UGT1A8: variants seen among roughly 807,000 people sequenced by gnomAD.
UGT1A8 encodes UDP glucuronosyltransferase family 1 member A8.
A neutral mutation model predicts 45.3 loss-of-function variants in UGT1A8; 39 were observed. The ratio of observed to expected loss-of-function variants is 0.86; its 90% CI spans 0.67 to 1.12. The LOEUF (loss-of-function observed/expected upper bound fraction) is 1.12, where lower values mean the gene tolerates loss of function less well. Among genes scored for constraint, UGT1A8 ranks in the 50% most tolerant of loss-of-function variants. The pLI, the probability that UGT1A8 is intolerant of heterozygous loss-of-function variation, is 0.00. For missense variants in UGT1A8, 719 were observed against 664.9 expected (o/e 1.08, Z -0.90); for synonymous variants, 275 against 249.2 (o/e 1.10, Z -0.97).
chr2:233,645,888 G>A (rs2073588610), intron 1 of UGT1A8, among the ~76,000 whole-genome samples: 1 of 152,184 alleles, frequency 6.6e-6, no homozygotes, highest in South Asian at 2.1e-4. Context: ...CCACTAGGCA[G>A]TCCCCCAGTT....
intron 1 of UGT1A8, among the ~76,000 whole-genome samples, chr2:233,683,427 G>A (rs1397894608): frequency 6.6e-6 from 1 of 151,982 alleles, no homozygotes; most frequent in African/African-American, 2.4e-5. Flanking sequence ...GGGTTTATGA[G>A]CAATAATAAG....
In UGT1A8 at chr2:233,643,131, C is replaced by T. The variant is rs28969983; in HGVS notation, c.855+24569C>T. Among the ~76,000 whole-genome samples, 83 of 152,346 alleles carry T rather than the reference C, an allele frequency of 5.4e-4. No individual in the cohort carries two copies. In the East Asian group the frequency reaches 0.011, roughly 21 times the overall value. ...CAGCCAGCCAGACCTGCATCCCTCC[C>T]TTCAGAATGGCAAGGTCCCCCAGGC... On this transcript the variant is annotated intron_variant, in intron 1 of 4. Coordinates refer to ENST00000373450, the MANE Select transcript of UGT1A8 (RefSeq NM_019076.5).
chr2:233,679,033 T>C (rs1223695285), intron 1 of UGT1A8, among the ~76,000 whole-genome samples: 1 of 152,234 alleles, frequency 6.6e-6, no homozygotes, highest in Admixed American at 6.5e-5. Flanking sequence ...TTCTGGACTT[T>C]CATGACATTC....
chr2:233,724,108 C>T (rs1455095780), intron 1 of UGT1A8, among the ~76,000 whole-genome samples: 64 of 55,750 alleles, frequency 1.1e-3, no homozygotes, highest in South Asian at 2.6e-3. Context: ...TAGGGGCGGC[C>T]GGGCAGAGGC....
chr2:233,719,252 T>G (rs2076741853), intron 1 of UGT1A8: 2 of 1,614,040 alleles, frequency 1.2e-6, no homozygotes, highest in Non-Finnish European at 1.7e-6. Flanking sequence ...TGAATGCTAC[T>G]TCCTTTGATG....
intron 1 of UGT1A8, among the ~76,000 whole-genome samples, chr2:233,629,387 T>C (rs1055756640): frequency 4.6e-5 from 7 of 152,168 alleles, no homozygotes; most frequent in Non-Finnish European, 7.4e-5. Flanking sequence ...TTGTGAGTTA[T>C]GCTGCTATGA....
At chr2:233,736,043 T>C (rs984870391) in intron 1 of UGT1A8, among the ~76,000 whole-genome samples, 7 of 152,202 alleles carry the variant, frequency 4.6e-5, no homozygotes, top group South Asian at 2.1e-4. Context: ...TTTCCTGAAT[T>C]TGAATGTTGG....
At chr2:233,743,042 G>A (rs554129345) in intron 1 of UGT1A8, 2 of 311,812 alleles carry the variant, frequency 6.4e-6, no homozygotes, top group East Asian at 8.2e-5. Flanking sequence ...GGTCCTATCC[G>A]TGTAGTCCCA....
At chr2:233,768,098 G>A in intron 3 of UGT1A8, 122 bp from the exon 4 acceptor site, 1 of 1,590,736 alleles carries the variant, frequency 6.3e-7, no homozygotes, top group Non-Finnish European at 8.6e-7. Context: ...ATTTTCTTCT[G>A]CAAATTTCTG....
intron 1 of UGT1A8, among the ~76,000 whole-genome samples, chr2:233,757,948 G>A (rs1469946422): frequency 6.6e-6 from 1 of 152,076 alleles, no homozygotes; most frequent in Non-Finnish European, 1.5e-5. Flanking sequence ...TCATATTGCT[G>A]CCCTGCTGTG....
chr2:233,719,979 C>T (rs2076818736), intron 1 of UGT1A8, among the ~76,000 whole-genome samples: 1 of 152,162 alleles, frequency 6.6e-6, no homozygotes, highest in Non-Finnish European at 1.5e-5. Flanking sequence ...TTCAGCTCGG[C>T]AGGATCAGGG....
chr2:233,715,991 A>G (rs1360718293), intron 1 of UGT1A8, among the ~76,000 whole-genome samples: 1 of 152,166 alleles, frequency 6.6e-6, no homozygotes, highest in Non-Finnish European at 1.5e-5. Context: ...AAAACACAAC[A>G]AAACCCAAAA....
intron 1 of UGT1A8, among the ~76,000 whole-genome samples, chr2:233,742,157 G>GAC (rs1409111840): frequency 6.6e-6 from 1 of 151,878 alleles, no homozygotes; most frequent in Non-Finnish European, 1.5e-5. Context: ...ACGAATTAAA[G>GAC]ACACACACAC....
At chr2:233,713,685 G>A (rs1039930586) in intron 1 of UGT1A8, 1 of 1,613,934 alleles carries the variant, frequency 6.2e-7, no homozygotes, top group South Asian at 1.1e-5. Flanking sequence ...TGCTCCTTAT[G>A]CAAGCCTTGC....
At chr2:233,670,555 C>T (rs1242726059) in intron 1 of UGT1A8, among the ~76,000 whole-genome samples, 2 of 151,542 alleles carry the variant, frequency 1.3e-5, no homozygotes, top group African/African-American at 4.9e-5. Context: ...TCTGGCATGG[C>T]TTCTTCTATG....
chr2:233,647,781 A>C (rs1235813699), intron 1 of UGT1A8: 2 of 556,374 alleles, frequency 3.6e-6, no homozygotes, highest in African/African-American at 3.8e-5. Context: ...CTTTTTTCCT[A>C]ATCAGTCTGG....
In UGT1A8 at chr2:233,681,530, CAAAAAAAA is replaced by C. The variant is rs747693860; in HGVS notation, c.855+62985_855+62992del. On this transcript the variant is annotated intron_variant, in intron 1 of 4. Transcript: ENST00000373450. ...TGGATGACACAGTGAGACTCCATCT[CAAAAAAAA>C]AAAAAAAAAAAAAAAATTGCAAATT... Among the ~76,000 whole-genome samples the C allele has an allele frequency of 4.9e-3, 378 of 77,720 alleles. 2 individuals are homozygous for C. The highest frequency in any genetic ancestry group is 0.017 in the African/African-American group (355 of 20,718). The allele number at this position is 77,720 out of a possible 152,430, so 51.0% of individuals were successfully genotyped here.
At chr2:233,729,020 A>G in intron 1 of UGT1A8, 2 of 1,593,488 alleles carry the variant, frequency 1.3e-6, no homozygotes, top group Non-Finnish European at 8.6e-7. Flanking sequence ...TTCCAATTAC[A>G]CGTTGATTTG....
intron 1 of UGT1A8, among the ~76,000 whole-genome samples, chr2:233,661,217 C>A (rs1464764261): frequency 6.6e-6 from 1 of 151,610 alleles, no homozygotes; most frequent in Non-Finnish European, 1.5e-5. Context: ...GTCTATTTTC[C>A]TACCTTAATT....
Sources: allele counts gnomAD v4.1 joint callset (sites outside exome capture counted in the v4.1 genomes callset), GRCh38; gene constraint gnomAD v4.1.1; transcripts MANE v1.5; gene names NCBI Gene and HGNC (gene_info 2026-07-23, HGNC 2026-07-21).